Variants in CD226 observed in about 807,000 individuals in gnomAD.
CD226 encodes the protein CD226 molecule.
In CD226, 24 loss-of-function variants were observed where a neutral mutation model predicts 34.9. That is an observed-to-expected ratio of 0.69 (90% CI 0.50 to 0.97). The LOEUF (loss-of-function observed/expected upper bound fraction) is 0.97. Ranked by LOEUF, CD226 falls within the 50% of genes least tolerant of loss-of-function variation. The pLI, the probability that CD226 is intolerant of heterozygous loss-of-function variation, is 0.00. For missense variants in CD226, 397 were observed against 412.7 expected (o/e 0.96, Z 0.33); for synonymous variants, 148 against 147.4 (o/e 1.00, Z -0.03).
At chr18:69,944,310 A>T (rs116716667) in intron 2 of CD226, among the ~76,000 whole-genome samples, 80 of 152,322 alleles carry the variant, frequency 5.3e-4, no homozygotes, top group African/African-American at 1.8e-3. Flanking sequence ...GACAGCCGGT[A>T]TTCCTTCCTC....
At chr18:69,904,159 C>T (rs2055221717) in intron 2 of CD226, among the ~76,000 whole-genome samples, 1 of 152,142 alleles carries the variant, frequency 6.6e-6, no homozygotes, top group Non-Finnish European at 1.5e-5. Flanking sequence ...GAGATAAAAA[C>T]ACAACCCGAC....
intron 4 of CD226, among the ~76,000 whole-genome samples, chr18:69,870,399 T>G (rs560993226): frequency 1.3e-5 from 2 of 150,826 alleles, no homozygotes; most frequent in South Asian, 4.3e-4. Flanking sequence ...CTCAGCCTCC[T>G]GAGTAGCTGA....
chr18:69,922,337 A>G (rs1285804881), intron 2 of CD226, among the ~76,000 whole-genome samples: 1 of 152,216 alleles, frequency 6.6e-6, no homozygotes, highest in Non-Finnish European at 1.5e-5. Context: ...CCTGGAGTCC[A>G]GTGGTGCGAT....
At chr18:69,947,205 C>T (rs1414657829) in intron 1 of CD226, 136 bp from the exon 2 acceptor site, 3 of 919,724 alleles carry the variant, frequency 3.3e-6, no homozygotes, top group Non-Finnish European at 5.0e-6. Context: ...AAAAAGGCGT[C>T]CTGCTGATAA....
At chr18:69,949,753 T>C (rs1053654295), upstream of CD226, among the ~76,000 whole-genome samples, 21 of 151,450 alleles carry the variant, frequency 1.4e-4, no homozygotes, top group African/African-American at 5.1e-4. Flanking sequence ...TGCACCCACA[T>C]ACACATGCAC....
At chr18:69,948,796 C>A (rs755643058), upstream of CD226, among the ~76,000 whole-genome samples, 13 of 152,106 alleles carry the variant, frequency 8.5e-5, no homozygotes, top group Non-Finnish European at 1.2e-4. Flanking sequence ...TATGCTGGGT[C>A]CTCTGCTTAG....
Position 69,947,699 on chromosome 18 carries a change from T to G in CD226, c.-293A>C, listed in dbSNP as rs1207856998. ...ATTCAACAAACATGTGCTGCATGCA[T>G]TCTCTGTGCCTAACTCAGCTGTAGG... On this transcript the variant is annotated 5_prime_UTR_variant, in exon 1 of 6. It removes an upstream start codon present in the reference 5' UTR. Transcript: ENST00000582621. 1 of 274,854 alleles carries G rather than the reference T, an allele frequency of 3.6e-6. No individual in the cohort carries two copies. The allele number at this position is 274,854 out of a possible 1,614,324, so 17.0% of individuals were successfully genotyped here. A position where few individuals can be genotyped will look rare whatever the true frequency, so the allele number is the denominator to read the frequency against.
At chr18:69,868,214 A>G (rs890368874) in intron 4 of CD226, among the ~76,000 whole-genome samples, 10 of 152,252 alleles carry the variant, frequency 6.6e-5, no homozygotes, top group Non-Finnish European at 1.5e-4. Context: ...CCAACTATAT[A>G]AAATAGTTAT....
intron 2 of CD226, chr18:69,944,499 A>G (rs1333315106): frequency 6.6e-6 from 1 of 152,246 alleles, no homozygotes; most frequent in African/African-American, 2.4e-5. Flanking sequence ...CATAACAACC[A>G]TCATTTAGTT....
intron 2 of CD226, among the ~76,000 whole-genome samples, chr18:69,910,163 G>A (rs2055306359): frequency 6.6e-6 from 1 of 152,194 alleles, no homozygotes; most frequent in Non-Finnish European, 1.5e-5. Context: ...TTGGTGCACT[G>A]TGTTAGTAGT....
rs1182457503 is a variant in CD226 at position 69,942,590 on chromosome 18, C to A, written c.382+4144G>T. On this transcript the variant is annotated intron_variant, in intron 2 of 5. Coordinates refer to ENST00000582621, the MANE Select transcript of CD226 (RefSeq NM_001303618.2). ...AGTGAGCTGCAACTCCTTTTTCAAG[C>A]ACAGAATCTACTGTACTAAAGCTTT... Among the ~76,000 whole-genome samples, 18 of 152,208 alleles carry A rather than the reference C, an allele frequency of 1.2e-4. 1 individual carries two copies. Among genetic ancestry groups the A allele is most frequent in the Admixed American group, 1.2e-3 (18 of 15,290 alleles).
intron 3 of CD226, among the ~76,000 whole-genome samples, chr18:69,877,363 G>A (rs942423643): frequency 1.3e-5 from 2 of 152,146 alleles, no homozygotes; most frequent in Non-Finnish European, 2.9e-5. Context: ...GAGTTCCCAT[G>A]CCCTCCCTGT....
At chr18:69,911,945 C>G (rs1042454110) in intron 2 of CD226, among the ~76,000 whole-genome samples, 1 of 152,146 alleles carries the variant, frequency 6.6e-6, no homozygotes, top group Admixed American at 6.5e-5. Flanking sequence ...GTGGACTTAA[C>G]TTTTTGTTCA....
intron 2 of CD226, among the ~76,000 whole-genome samples, chr18:69,930,912 A>T (rs2055581354): frequency 1.3e-5 from 2 of 152,230 alleles, no homozygotes; most frequent in South Asian, 4.1e-4. Flanking sequence ...AAGGACTATG[A>T]GCAGCACACA....
At chr18:69,872,757 A>T (rs1279061493) in intron 4 of CD226, among the ~76,000 whole-genome samples, 1 of 152,198 alleles carries the variant, frequency 6.6e-6, no homozygotes, top group East Asian at 1.9e-4. Flanking sequence ...TAAATATTTG[A>T]TGAATGAATA....
At chr18:69,904,211 A>G (rs2055222525) in intron 2 of CD226, among the ~76,000 whole-genome samples, 1 of 152,356 alleles carries the variant, frequency 6.6e-6, no homozygotes, top group South Asian at 2.1e-4. Flanking sequence ...CATTTGTGGA[A>G]ATAAAAAAAT....
At chr18:69,872,931 T>C (rs551255717) in intron 4 of CD226, among the ~76,000 whole-genome samples, 8 of 152,198 alleles carry the variant, frequency 5.3e-5, no homozygotes, top group African/African-American at 1.7e-4. Context: ...AGGCAGAATA[T>C]AAAAGGGGCA....
chr18:69,895,183 C>T (rs955979089), intron 3 of CD226, among the ~76,000 whole-genome samples: 4 of 152,298 alleles, frequency 2.6e-5, no homozygotes, highest in Admixed American at 6.5e-5. Context: ...GTTTCTGCAT[C>T]CACATCTGAA....
chr18:69,947,212 A>G, intron 1 of CD226, 143 bp from the exon 2 acceptor site: 1 of 910,566 alleles, frequency 1.1e-6, no homozygotes, highest in Non-Finnish European at 1.7e-6. Flanking sequence ...CGTCCTGCTG[A>G]TAATTGGAAA....
Sources: allele counts gnomAD v4.1 joint callset (sites outside exome capture counted in the v4.1 genomes callset), GRCh38; gene constraint gnomAD v4.1.1; transcripts MANE v1.5; gene names NCBI Gene and HGNC (gene_info 2026-07-23, HGNC 2026-07-21).